CADM2: variants seen among roughly 807,000 people sequenced by gnomAD.
CADM2 encodes the protein cell adhesion molecule 2.
CADM2 carries 12 observed loss-of-function variants against 49.8 expected under a neutral mutation model. The observed-to-expected ratio is 0.24, with a 90% CI of 0.15 to 0.39. The LOEUF (loss-of-function observed/expected upper bound fraction) is 0.39, where lower values mean the gene tolerates loss of function less well. CADM2 is among the 10% of genes least tolerant of loss of function. The pLI is 1.00. For missense variants in CADM2, 378 were observed against 492.3 expected, an observed-to-expected ratio of 0.77 and a Z score of 2.20; for synonymous variants, 214 against 175.4, an observed-to-expected ratio of 1.22 and a Z score of -1.74.
At chr3:85,156,659 C>T (rs1041830779) in intron 1 of CADM2, among the ~76,000 whole-genome samples, 1 of 152,016 alleles carries the variant, frequency 6.6e-6, no homozygotes, top group Non-Finnish European at 1.5e-5. Context: ...TAAAAACTCT[C>T]AATAAAATAG....
intron 1 of CADM2, among the ~76,000 whole-genome samples, chr3:85,195,354 C>G: frequency 6.6e-6 from 1 of 151,978 alleles, no homozygotes; most frequent in East Asian, 1.9e-4. Context: ...GGTCTTTGTA[C>G]ACCATATCTA....
At chr3:85,464,745 C>T (rs1265783373) in intron 1 of CADM2, among the ~76,000 whole-genome samples, 4 of 152,062 alleles carry the variant, frequency 2.6e-5, no homozygotes, top group South Asian at 2.1e-4. Context: ...TCAGTGTTTT[C>T]GTGTAGAAAA....
At chr3:85,465,421 A>T (rs1192632900) in intron 1 of CADM2, among the ~76,000 whole-genome samples, 5 of 152,186 alleles carry the variant, frequency 3.3e-5, no homozygotes, top group Non-Finnish European at 7.4e-5. Context: ...CTAATGAGTA[A>T]TTTAAAAAGT....
At chr3:85,055,755 T>C (rs2036056831) in intron 1 of CADM2, among the ~76,000 whole-genome samples, 1 of 152,004 alleles carries the variant, frequency 6.6e-6, no homozygotes. Flanking sequence ...TTTCTATTAC[T>C]TGCTAGCTGG....
chr3:85,478,181 T>A (rs1435588294), intron 1 of CADM2, among the ~76,000 whole-genome samples: 1 of 151,902 alleles, frequency 6.6e-6, no homozygotes, highest in Non-Finnish European at 1.5e-5. Flanking sequence ...CACAGCATAA[T>A]ACGTGGTAGT....
chr3:85,335,497 A>G (rs1278431962), intron 1 of CADM2, among the ~76,000 whole-genome samples: 3 of 151,484 alleles, frequency 2.0e-5, no homozygotes, highest in Non-Finnish European at 3.0e-5. Context: ...ATACACATGT[A>G]CAATGTGTAA....
chr3:85,208,191 A>G (rs2041696964), intron 1 of CADM2, among the ~76,000 whole-genome samples: 1 of 152,150 alleles, frequency 6.6e-6, no homozygotes, highest in African/African-American at 2.4e-5. Flanking sequence ...TATATAACCT[A>G]CATTTTCCAG....
intron 1 of CADM2, among the ~76,000 whole-genome samples, chr3:85,374,864 T>C (rs187733221): frequency 1.2e-3 from 188 of 152,150 alleles, no homozygotes; most frequent in Non-Finnish European, 2.0e-3. Flanking sequence ...CCATGACACA[T>C]GGGGATTTGA....
intron 1 of CADM2, among the ~76,000 whole-genome samples, chr3:85,307,160 CAT>C (rs990054476): frequency 2.0e-5 from 3 of 151,250 alleles, no homozygotes; most frequent in Non-Finnish European, 3.0e-5. Context: ...TACGTATATG[CAT>C]ATATATATGT....
chr3:85,885,818 C>G (rs1336706279), intron 4 of CADM2, among the ~76,000 whole-genome samples: 1 of 145,138 alleles, frequency 6.9e-6, no homozygotes, highest in Non-Finnish European at 1.5e-5. Context: ...AGCCAGTCCA[C>G]TCCATCCTGG....
intron 1 of CADM2, among the ~76,000 whole-genome samples, chr3:85,720,562 T>C (rs928666124): frequency 6.6e-6 from 1 of 152,208 alleles, no homozygotes; most frequent in African/African-American, 2.4e-5. Flanking sequence ...TTACACTTTT[T>C]TCCTAGTATG....
At chr3:85,040,345 C>A (rs947735447) in intron 1 of CADM2, among the ~76,000 whole-genome samples, 3 of 152,104 alleles carry the variant, frequency 2.0e-5, no homozygotes, top group African/African-American at 7.2e-5. Context: ...TGTTCCTTGC[C>A]TTTGTTAGCA....
At chr3:85,113,168 T>C (rs1342899089) in intron 1 of CADM2, among the ~76,000 whole-genome samples, 1 of 152,136 alleles carries the variant, frequency 6.6e-6, no homozygotes, top group African/African-American at 2.4e-5. Context: ...ATTCCTTTAC[T>C]GAGTGAATAC....
intron 7 of CADM2, among the ~76,000 whole-genome samples, chr3:85,949,539 C>T (rs547237708): frequency 3.5e-4 from 53 of 151,336 alleles, no homozygotes; most frequent in Non-Finnish European, 7.3e-4. Context: ...CAAAACTCCT[C>T]TGTTTAATAA....
intron 1 of CADM2, among the ~76,000 whole-genome samples, chr3:85,564,160 A>T (rs554145939): frequency 2.1e-5 from 3 of 144,366 alleles, no homozygotes; most frequent in Admixed American, 1.4e-4. Flanking sequence ...TAATTTAGAA[A>T]GCATGATTCT....
rs537642063 is a variant in CADM2, at chr3:85,913,227, AC to A, written c.700+685del. Among the ~76,000 whole-genome samples the A allele has an allele frequency of 6.4e-4, 98 of 152,312 alleles. 2 individuals are homozygous for A. Among genetic ancestry groups the A allele is most frequent in the Admixed American group, 6.3e-3 (97 of 15,296 alleles). On this transcript the variant is annotated intron_variant, in intron 6 of 9. Coordinates refer to ENST00000383699, the MANE Select transcript of CADM2 (RefSeq NM_001167675.2). ...GAGTCACACAACTAGCAAATGACAGACTTGTAATTATGGCAGTTTTAGTACC... is the reference window on the plus strand; with the variant it reads ...GAGTCACACAACTAGCAAATGACAGATTGTAATTATGGCAGTTTTAGTACC...
chr3:85,119,915 G>A (rs1005359486), intron 1 of CADM2, among the ~76,000 whole-genome samples: 3 of 152,122 alleles, frequency 2.0e-5, no homozygotes, highest in Admixed American at 1.3e-4. Flanking sequence ...CGGAATGGGA[G>A]AAAATTTTTG....
At chr3:85,925,459 G>A (rs1278809245) in intron 6 of CADM2, among the ~76,000 whole-genome samples, 1 of 152,146 alleles carries the variant, frequency 6.6e-6, no homozygotes, top group African/African-American at 2.4e-5. Context: ...TAAGTTAAAT[G>A]GAAAGTGAGA....
intron 2 of CADM2, among the ~76,000 whole-genome samples, chr3:85,774,900 C>T (rs565275161): frequency 1.3e-5 from 2 of 151,744 alleles, no homozygotes; most frequent in South Asian, 4.1e-4. Context: ...ATTAAATTTT[C>T]ATGATACACA....
Sources: allele counts gnomAD v4.1 joint callset (sites outside exome capture counted in the v4.1 genomes callset), GRCh38; gene constraint gnomAD v4.1.1; transcripts MANE v1.5; gene names NCBI Gene and HGNC (gene_info 2026-07-23, HGNC 2026-07-21).